Variants in SORBS2 observed in about 807,000 individuals in gnomAD.
SORBS2 encodes sorbin and SH3 domain-containing protein 2.
A neutral mutation model predicts 97.7 loss-of-function variants in SORBS2; 46 were observed. The ratio of observed to expected loss-of-function variants is 0.47; its 90% CI spans 0.37 to 0.60. SORBS2 has a LOEUF of 0.60. Ranked by LOEUF, SORBS2 falls within the 20% of genes least tolerant of loss-of-function variation. SORBS2 has a pLI of 0.00. For missense variants in SORBS2, 1,316 were observed against 1,282.3 expected, an observed-to-expected ratio of 1.03 and a Z score of -0.40; for synonymous variants, 476 against 473.4, an observed-to-expected ratio of 1.01 and a Z score of -0.07.
intron 2 of SORBS2, among the ~76,000 whole-genome samples, chr4:185,721,125 G>A (rs2153560180): frequency 8.6e-6 from 1 of 116,182 alleles, no homozygotes; most frequent in South Asian, 2.7e-4. Context: ...ATCTCACTCT[G>A]TCGCCCTGGC....
intron 1 of SORBS2, among the ~76,000 whole-genome samples, chr4:185,886,501 G>A (rs1270387139): frequency 7.6e-6 from 1 of 132,036 alleles, no homozygotes; most frequent in East Asian, 2.2e-4. Context: ...GTTGCAGTGA[G>A]CCAAGATCAT....
At chr4:185,683,009 C>A (rs28548754) in intron 2 of SORBS2, among the ~76,000 whole-genome samples, 21 of 125,124 alleles carry the variant, frequency 1.7e-4, no homozygotes, top group African/African-American at 6.6e-4. Flanking sequence ...AAGACCCACC[C>A]GTCTCAAAAA....
chr4:185,852,279 A>T (rs570943517), intron 1 of SORBS2, among the ~76,000 whole-genome samples: 1 of 152,326 alleles, frequency 6.6e-6, no homozygotes, highest in African/African-American at 2.4e-5. Context: ...GATGAAACAG[A>T]AAATAGCTTA....
At chr4:185,639,160 A>G (rs2097085307) in intron 4 of SORBS2, 125 bp from the exon 14 acceptor site, 1 of 852,678 alleles carries the variant, frequency 1.2e-6, no homozygotes, top group Non-Finnish European at 1.7e-6. Flanking sequence ...CGGACGGCGA[A>G]GTGTCCCTAG....
At chr4:185,828,327 A>G (rs2099203097) in intron 1 of SORBS2, among the ~76,000 whole-genome samples, 1 of 152,102 alleles carries the variant, frequency 6.6e-6, no homozygotes, top group Non-Finnish European at 1.5e-5. Flanking sequence ...ACACTAGGAG[A>G]CGCAGAACCA....
intron 2 of SORBS2, among the ~76,000 whole-genome samples, chr4:185,698,701 C>T (rs1034604735): frequency 3.9e-5 from 6 of 152,116 alleles, no homozygotes; most frequent in Non-Finnish European, 5.9e-5. Context: ...TAACATAGAA[C>T]CATATGTTTC....
rs139598970 is a variant in SORBS2, at chr4:185,838,932, G to T, written c.-337-63566C>A. 9.6e-3 allele frequency among the ~76,000 whole-genome samples: 1,459 copies of T among 152,274 alleles called. 9 individuals are homozygous for T. The highest frequency in any genetic ancestry group is 0.016 in the Non-Finnish European group (1,067 of 68,020). On this transcript the variant is annotated intron_variant, in intron 1 of 20. Coordinates refer to the SORBS2 transcript ENST00000284776. Reference sequence around the variant, plus strand: ...GCTCAGCCACCACAGGGTTCTCACGGTGTTTATTTCTATGTTGTTTCTTTG... The same window carrying T: ...GCTCAGCCACCACAGGGTTCTCACGTTGTTTATTTCTATGTTGTTTCTTTG...
chr4:185,776,899 C>CTAA (rs2099002807), intron 1 of SORBS2, among the ~76,000 whole-genome samples: 1 of 111,132 alleles, frequency 9.0e-6, no homozygotes, highest in Admixed American at 9.6e-5. Context: ...GACTCCATCT[C>CTAA]AAAAAAAAAA....
intron 4 of SORBS2, among the ~76,000 whole-genome samples, chr4:185,677,823 T>G (rs781554757): frequency 2.6e-5 from 4 of 152,224 alleles, no homozygotes; most frequent in Non-Finnish European, 5.9e-5. Flanking sequence ...CCATTTAGAA[T>G]GCACTTATGT....
At chr4:185,782,037 C>T (rs1003905806) in intron 1 of SORBS2, among the ~76,000 whole-genome samples, 1 of 152,250 alleles carries the variant, frequency 6.6e-6, no homozygotes, top group African/African-American at 2.4e-5. Flanking sequence ...CCCGCAGGTA[C>T]TGCATTCTGC....
chr4:185,654,211 G>A (rs2097359319), intron 1 of SORBS2, among the ~76,000 whole-genome samples: 1 of 152,160 alleles, frequency 6.6e-6, no homozygotes, highest in Non-Finnish European at 1.5e-5. Flanking sequence ...TCAAAGGACG[G>A]GACATGGTGG....
intron 1 of SORBS2, among the ~76,000 whole-genome samples, chr4:185,818,407 T>C (rs1229878140): frequency 1.3e-5 from 2 of 151,766 alleles, no homozygotes; most frequent in African/African-American, 4.8e-5. Flanking sequence ...GCCAGGATGG[T>C]CTCCATCTCC....
chr4:185,831,368 T>C (rs2153673638), intron 1 of SORBS2, among the ~76,000 whole-genome samples: 1 of 152,368 alleles, frequency 6.6e-6, no homozygotes, highest in East Asian at 1.9e-4. Flanking sequence ...ACGAGGCAGC[T>C]ATTCTTAGCC....
At chr4:185,898,952 C>A (rs1465142344) in intron 1 of SORBS2, among the ~76,000 whole-genome samples, 1 of 152,148 alleles carries the variant, frequency 6.6e-6, no homozygotes, top group Non-Finnish European at 1.5e-5. Flanking sequence ...AATGGAACTA[C>A]ACAAAACCTA....
In SORBS2 at chr4:185,646,501, A is replaced by G. The variant is rs117441961; in HGVS notation, c.396+167T>C. ...GTAAAGACAATATATTAGAACATGT[A>G]TCTTTCAATTCTGAGATGAGATGTA... On this transcript the variant is annotated intron_variant, in intron 4 of 14. Coordinates refer to ENST00000418609, the Ensembl canonical transcript of SORBS2. 2.3e-3 allele frequency: 1,298 copies of G among 568,858 alleles called. 19 individuals carry two copies. In the East Asian group the frequency reaches 0.032, roughly 14 times the overall value. 35.2% of individuals were successfully genotyped at this position (568,858 alleles called of 1,614,324 possible).
chr4:185,917,890 GT>G (rs2099259034), intron 1 of SORBS2, among the ~76,000 whole-genome samples: 1 of 152,128 alleles, frequency 6.6e-6, no homozygotes, highest in Non-Finnish European at 1.5e-5. Context: ...AGGAAAAACA[GT>G]TTGTGTTTTT....
chr4:185,679,736 C>T (rs1176592412), intron 2 of SORBS2, among the ~76,000 whole-genome samples: 2 of 152,140 alleles, frequency 1.3e-5, no homozygotes, highest in Non-Finnish European at 2.9e-5. Flanking sequence ...TACGTGTTCC[C>T]CAGGACCATT....
intron 11 of SORBS2, chr4:185,614,547 G>A (rs2048157121): frequency 5.9e-6 from 2 of 340,668 alleles, no homozygotes; most frequent in Non-Finnish European, 1.1e-5. Context: ...TTGTGCTCCC[G>A]AATGTATAAG....
Position 185,875,441 on chromosome 4 carries a change from C to G in SORBS2, c.-338+80755G>C, listed in dbSNP as rs115125531. 6.9e-3 allele frequency among the ~76,000 whole-genome samples: 1,049 copies of G among 152,330 alleles called. 8 individuals carry two copies. Among genetic ancestry groups the G allele is most frequent in the Non-Finnish European group, 0.011 (738 of 68,032 alleles). On this transcript the variant is annotated intron_variant, in intron 1 of 20. Coordinates refer to the SORBS2 transcript ENST00000284776. ...TAAAACCAAAAACGTCTCCCGGAGG[C>G]AGGGATTTAGTCCCTGTGGCCAATT...
Sources: allele counts gnomAD v4.1 joint callset (sites outside exome capture counted in the v4.1 genomes callset), GRCh38; gene constraint gnomAD v4.1.1; transcripts MANE v1.5; gene names NCBI Gene and HGNC (gene_info 2026-07-23, HGNC 2026-07-21).